Variants in BMAL1 observed in about 807,000 individuals in gnomAD.
BMAL1 encodes basic helix-loop-helix ARNT-like protein 1.
At chr11:13,343,501 G>A in the BMAL1 span, among the ~76,000 whole-genome samples, 10 of 152,268 alleles carry the variant, frequency 6.6e-5, no homozygotes, top group South Asian at 1.2e-3. Flanking sequence ...GCTGCTCAGC[G>A]TTCAGGTGGA....
chr11:13,369,330 A>C, the BMAL1 span, among the ~76,000 whole-genome samples: 2 of 152,202 alleles, frequency 1.3e-5, no homozygotes, highest in Admixed American at 1.3e-4. Flanking sequence ...GCCCTTTGTT[A>C]GCCATAAGCG....
chr11:13,324,641 G>C, the BMAL1 span, among the ~76,000 whole-genome samples: 1 of 152,134 alleles, frequency 6.6e-6, no homozygotes, highest in Non-Finnish European at 1.5e-5. Flanking sequence ...TTCTTATTTA[G>C]TGTTTGTCTT....
chr11:13,360,327 T>A, the BMAL1 span: 1 of 1,601,768 alleles, frequency 6.2e-7, no homozygotes, highest in Non-Finnish European at 8.5e-7. Flanking sequence ...ACCAATTCTT[T>A]CTCTTTTTGC....
the BMAL1 span, chr11:13,356,260 T>A: frequency 2.2e-6 from 1 of 457,584 alleles, no homozygotes; most frequent in Non-Finnish European, 4.4e-6. Context: ...TTGTTGGTAC[T>A]TTAATTCCAC....
chr11:13,316,185 C>T, the BMAL1 span, among the ~76,000 whole-genome samples: 193 of 152,302 alleles, frequency 1.3e-3, 1 homozygote, highest in African/African-American at 4.1e-3. Flanking sequence ...CATGATGGTC[C>T]GTCTGCCCTG....
the BMAL1 span, chr11:13,375,552 T>C: frequency 7.3e-7 from 1 of 1,375,896 alleles, no homozygotes; most frequent in Non-Finnish European, 9.8e-7. Context: ...GTATTGGATG[T>C]CCTGTTTAAT....
the BMAL1 span, chr11:13,369,880 C>T: frequency 7.4e-7 from 1 of 1,359,134 alleles, no homozygotes; most frequent in East Asian, 2.4e-5. Flanking sequence ...AGTGGCAGGT[C>T]CCAGGACTGC....
chr11:13,284,222 ATATATG>A, the BMAL1 span, among the ~76,000 whole-genome samples: 8 of 13,112 alleles, frequency 6.1e-4, no homozygotes, highest in South Asian at 9.6e-3. Context: ...GTATATATAT[ATATATG>A]TGTGTGTATA....
At chr11:13,365,306 C>CACACACACAA in the BMAL1 span, 1 of 453,106 alleles carries the variant, frequency 2.2e-6, no homozygotes, top group Admixed American at 3.8e-5. Context: ...CACACACACA[C>CACACACACAA]ACACACACAC....
chr11:13,379,574 C>T, the BMAL1 span: 2 of 152,216 alleles, frequency 1.3e-5, no homozygotes, highest in Non-Finnish European at 2.9e-5. Flanking sequence ...CAGTATCAAA[C>T]AGTCCTTGAC....
At chr11:13,354,202 C>CCCCCCCCCCCA in the BMAL1 span, 1 of 742,842 alleles carries the variant, frequency 1.3e-6, no homozygotes, top group Non-Finnish European at 2.0e-6. Context: ...CCCCCCCGGC[C>CCCCCCCCCCCA]CCCCACCACC....
chr11:13,360,329 T>C, the BMAL1 span: 1 of 1,604,276 alleles, frequency 6.2e-7, no homozygotes, highest in Non-Finnish European at 8.5e-7. Context: ...CAATTCTTTC[T>C]CTTTTTGCCC....
chr11:13,298,983 C>T, the BMAL1 span, among the ~76,000 whole-genome samples: 2 of 152,148 alleles, frequency 1.3e-5, no homozygotes, highest in African/African-American at 4.8e-5. Context: ...CTCAGGCGGT[C>T]TGCGCCCCCA....
At chr11:13,281,718 C>T in the BMAL1 span, among the ~76,000 whole-genome samples, 1 of 152,154 alleles carries the variant, frequency 6.6e-6, no homozygotes, top group Admixed American at 6.5e-5. Flanking sequence ...CCATGTTGCC[C>T]AGGCTGGTCT....
the BMAL1 span, among the ~76,000 whole-genome samples, chr11:13,283,894 T>C: frequency 1.3e-5 from 2 of 151,774 alleles, no homozygotes; most frequent in Non-Finnish European, 2.9e-5. Context: ...AGCCAGCTCC[T>C]CCCCAGGCAG....
chr11:13,356,356 C>T, the BMAL1 span: 3 of 485,158 alleles, frequency 6.2e-6, no homozygotes, highest in African/African-American at 5.9e-5. Flanking sequence ...ACAGAATAAG[C>T]TTCATTTATC....
chr11:13,377,795 A>C, the BMAL1 span, among the ~76,000 whole-genome samples: 3 of 152,314 alleles, frequency 2.0e-5, no homozygotes, highest in East Asian at 5.8e-4. Context: ...AACCTGCCTC[A>C]GTGCTCCTGC....
At chr11:13,304,229 C>T in the BMAL1 span, among the ~76,000 whole-genome samples, 31 of 152,088 alleles carry the variant, frequency 2.0e-4, no homozygotes, top group East Asian at 2.1e-3. Context: ...CGGGCGTTTG[C>T]GGGTGTTATC....
At chr11:13,365,682 C>A in the BMAL1 span, 2 of 984,536 alleles carry the variant, frequency 2.0e-6, no homozygotes, top group Non-Finnish European at 3.1e-6. Flanking sequence ...GTATACAAGT[C>A]ACATGTGAAC....
Sources: allele counts gnomAD v4.1 joint callset (sites outside exome capture counted in the v4.1 genomes callset), GRCh38; gene constraint gnomAD v4.1.1; transcripts MANE v1.5; gene names NCBI Gene and HGNC (gene_info 2026-07-23, HGNC 2026-07-21).